The following SLC10A7 variants were observed in gnomAD, a reference collection of about 807,000 sequenced individuals.
The protein encoded by SLC10A7 is solute carrier family 10 member 7.
A neutral mutation model predicts 43.2 loss-of-function variants in SLC10A7; 29 were observed. The observed-to-expected ratio is 0.67, with a 90% confidence interval of 0.50 to 0.92. The LOEUF (loss-of-function observed/expected upper bound fraction) is 0.92, where lower values mean the gene tolerates loss of function less well. Ranked by LOEUF, SLC10A7 falls within the 40% of genes least tolerant of loss-of-function variation. The pLI is 0.00. For missense variants in SLC10A7, 295 were observed against 403.2 expected (o/e 0.73, Z 2.30); for synonymous variants, 152 against 144.8 (o/e 1.05, Z -0.35).
chr4:146,342,609 T>C lies in SLC10A7; in HGVS notation c.436-16613A>G, dbSNP rs142668057. ...GTACTATTATTAAAATTTACAATCA[T>C]CATTTTTTAGAGTTTCACTTAAATT... On this transcript the variant is annotated intron_variant, in intron 5 of 11. Coordinates refer to ENST00000335472, the MANE Select transcript of SLC10A7 (RefSeq NM_001029998.6). Among the ~76,000 whole-genome samples, 443 of 151,784 alleles carry C rather than the reference T, an allele frequency of 2.9e-3. 1 individual carries two copies. Among genetic ancestry groups the C allele is most frequent in the Non-Finnish European group, 4.5e-3 (306 of 67,774 alleles).
At chr4:146,279,665 T>C (rs1186520540) in intron 10 of SLC10A7, among the ~76,000 whole-genome samples, 1 of 152,302 alleles carries the variant, frequency 6.6e-6, no homozygotes, top group East Asian at 1.9e-4. Flanking sequence ...AGTATTGTTT[T>C]AGATGAAGCA....
intron 4 of SLC10A7, among the ~76,000 whole-genome samples, chr4:146,462,956 A>C (rs985640301): frequency 2.0e-5 from 3 of 152,190 alleles, no homozygotes; most frequent in Non-Finnish European, 4.4e-5. Context: ...TCAAGATCTT[A>C]AGCTGTGATT....
chr4:146,264,940 C>T (rs1728463292), intron 10 of SLC10A7, among the ~76,000 whole-genome samples: 1 of 152,158 alleles, frequency 6.6e-6, no homozygotes, highest in Non-Finnish European at 1.5e-5. Context: ...AGACTCTTCC[C>T]TCATCAATCC....
chr4:146,271,240 T>C (rs1486700132), intron 10 of SLC10A7, among the ~76,000 whole-genome samples: 1 of 152,172 alleles, frequency 6.6e-6, no homozygotes, highest in Non-Finnish European at 1.5e-5. Context: ...ACTTCACATG[T>C]GCAAATCCAA....
intron 5 of SLC10A7, among the ~76,000 whole-genome samples, chr4:146,387,280 G>A (rs144792458): frequency 0.019 from 2,967 of 152,234 alleles, 49 homozygotes; most frequent in Non-Finnish European, 0.032. Context: ...ACAGTCAAGT[G>A]GGTCTTATTC....
intron 7 of SLC10A7, among the ~76,000 whole-genome samples, chr4:146,296,261 C>T (rs975642265): frequency 6.6e-6 from 1 of 152,102 alleles, no homozygotes; most frequent in African/African-American, 2.4e-5. Flanking sequence ...TTACACTGTA[C>T]TTTTAAAATT....
intron 10 of SLC10A7, among the ~76,000 whole-genome samples, chr4:146,268,076 T>C (rs1728674618): frequency 6.6e-6 from 1 of 152,178 alleles, no homozygotes; most frequent in Non-Finnish European, 1.5e-5. Context: ...CCAAACGTGC[T>C]GCACAAACTG....
intron 4 of SLC10A7, among the ~76,000 whole-genome samples, chr4:146,491,683 GGAA>G (rs1735438339): frequency 1.2e-4 from 2 of 17,284 alleles, no homozygotes; most frequent in South Asian, 7.0e-3. Context: ...AGGAAGGGAA[GGAA>G]GGAAGGAAGG....
chr4:146,326,890 G>A (rs981016451), intron 5 of SLC10A7, among the ~76,000 whole-genome samples: 13 of 151,572 alleles, frequency 8.6e-5, no homozygotes, highest in African/African-American at 1.2e-4. Context: ...GAGGTTGTGC[G>A]TGCCTAAGAC....
chr4:146,479,231 T>C (rs368416813), intron 4 of SLC10A7, among the ~76,000 whole-genome samples: 37 of 152,276 alleles, frequency 2.4e-4, no homozygotes, highest in African/African-American at 8.7e-4. Flanking sequence ...TCTGATCTAT[T>C]ATTAAGAGAA....
intron 6 of SLC10A7, among the ~76,000 whole-genome samples, chr4:146,308,135 C>A (rs1467974539): frequency 4.6e-5 from 7 of 152,114 alleles, no homozygotes; most frequent in Admixed American, 4.6e-4. Context: ...TCCTCAGAGG[C>A]TCTGTCAGAT....
chr4:146,326,629 G>C (rs1733123177), intron 5 of SLC10A7, among the ~76,000 whole-genome samples: 1 of 152,186 alleles, frequency 6.6e-6, no homozygotes, highest in Admixed American at 6.5e-5. Context: ...TTCGATGACA[G>C]GGAACAGTTT....
chr4:146,391,205 T>C (rs1217667410), intron 5 of SLC10A7, among the ~76,000 whole-genome samples: 1 of 152,224 alleles, frequency 6.6e-6, no homozygotes, highest in African/African-American at 2.4e-5. Flanking sequence ...TTCTTTAATT[T>C]GTTCATCTTT....
At chr4:146,436,678 T>C (rs1405263021) in intron 5 of SLC10A7, among the ~76,000 whole-genome samples, 2 of 152,122 alleles carry the variant, frequency 1.3e-5, no homozygotes, top group Non-Finnish European at 2.9e-5. Flanking sequence ...TACTGTCTTT[T>C]CAACTCTCTT....
intron 5 of SLC10A7, among the ~76,000 whole-genome samples, chr4:146,405,841 C>A (rs1727643595): frequency 6.6e-6 from 1 of 151,582 alleles, no homozygotes; most frequent in Non-Finnish European, 1.5e-5. Context: ...GGCTCCCTTG[C>A]AATACCACTT....
intron 4 of SLC10A7, among the ~76,000 whole-genome samples, chr4:146,489,980 A>AT (rs971791211): frequency 7.2e-5 from 11 of 151,798 alleles, no homozygotes; most frequent in African/African-American, 2.7e-4. Context: ...TTGAAAATAA[A>AT]TTTTTTTCAA....
chr4:146,458,181 T>C (rs540381471), intron 4 of SLC10A7, among the ~76,000 whole-genome samples: 2 of 151,490 alleles, frequency 1.3e-5, no homozygotes, highest in South Asian at 4.2e-4. Context: ...GATTTAAGAA[T>C]CAATCAAAGC....
chr4:146,374,462 G>A (rs1737018223), intron 5 of SLC10A7, among the ~76,000 whole-genome samples: 1 of 151,930 alleles, frequency 6.6e-6, no homozygotes, highest in Non-Finnish European at 1.5e-5. Context: ...GGTGGTGCAC[G>A]CCTGTAATCC....
rs533044394 is a variant in SLC10A7, at chr4:146,473,833, T to C, written c.396+30016A>G. The stretch of plus-strand genomic sequence containing the variant: ...TAACATTTCTTTGAATTTTAAATGT[T>C]AGGGAATCAACACTATTATTTATAG... On this transcript the variant is annotated intron_variant, in intron 4 of 11. Coordinates refer to ENST00000335472, the MANE Select transcript of SLC10A7 (RefSeq NM_001029998.6). Among the ~76,000 whole-genome samples, 7 of 152,264 alleles carry C rather than the reference T, an allele frequency of 4.6e-5. No homozygotes were observed. In the South Asian group the frequency reaches 8.3e-4, roughly 18 times the overall value.
Sources: allele counts gnomAD v4.1 joint callset (sites outside exome capture counted in the v4.1 genomes callset), GRCh38; gene constraint gnomAD v4.1.1; transcripts MANE v1.5; gene names NCBI Gene and HGNC (gene_info 2026-07-23, HGNC 2026-07-21).